Variants in ARHGEF11 observed in about 807,000 individuals in gnomAD.
The protein encoded by ARHGEF11 is Rho guanine nucleotide exchange factor 11.
A neutral mutation model predicts 193.7 loss-of-function variants in ARHGEF11; 55 were observed. The observed-to-expected ratio is 0.28, with a 90% CI of 0.23 to 0.36. The LOEUF (loss-of-function observed/expected upper bound fraction) is 0.36. ARHGEF11 is among the 10% of genes least tolerant of loss of function. The probability of loss-of-function intolerance (pLI) is 1.00; values close to 1 mark genes in which losing one functional copy is unlikely to be tolerated. For missense variants in ARHGEF11, 1,723 were observed against 2,005.6 expected (o/e 0.86, Z 2.69); for synonymous variants, 693 against 768.0 (o/e 0.90, Z 1.62).
intron 17 of ARHGEF11, 104 bp downstream of exon 17, chr1:156,958,638 C>T: frequency 6.6e-7 from 1 of 1,515,708 alleles, no homozygotes; most frequent in Admixed American, 1.8e-5. Flanking sequence ...GCAGGAGAAT[C>T]AGGCAAGAAG....
In ARHGEF11 at chr1:156,946,930, C is replaced by G. The variant is rs1557836122; in HGVS notation, c.2568+6G>C. The G allele has an allele frequency of 1.2e-6, 2 of 1,613,898 alleles. No individual in the cohort carries two copies. The highest frequency in any genetic ancestry group is 3.3e-5 in the Admixed American group (2 of 60,024). ...CTTGCCAAGAGGGAGAAGTTTGGAG[C>G]CATACCCGGGCCAGCATGAGGTCAC... On this transcript the variant is annotated splice_donor_region_variant and intron_variant, in intron 27 of 40. Coordinates refer to ENST00000368194, the MANE Select transcript of ARHGEF11 (RefSeq NM_198236.3).
At chr1:157,021,480 C>A (rs894406233) in intron 1 of ARHGEF11, among the ~76,000 whole-genome samples, 5 of 152,118 alleles carry the variant, frequency 3.3e-5, no homozygotes, top group African/African-American at 1.2e-4. Context: ...AATATTAAGT[C>A]CTGATTAGGT....
intron 1 of ARHGEF11, among the ~76,000 whole-genome samples, chr1:157,024,290 A>C (rs1670375773): frequency 6.6e-6 from 1 of 152,232 alleles, no homozygotes; most frequent in South Asian, 2.1e-4. Flanking sequence ...AGCGGGAATG[A>C]GAAGTGACTG....
rs748633125 is a variant in ARHGEF11, at chr1:156,938,484, C to T, written c.4126G>A (p.Ala1376Thr). The change falls in exon 38 of 41, where the codon GCA becomes ACA. Residue 1376 changes from alanine (A) to threonine (T), a missense_variant. By Grantham distance (58) the Ala-to-Thr change is moderately conservative. Around this residue, in one of 5 missense-constraint regions of ARHGEF11, gnomAD observed 360 missense variants for 344.4 expected, o/e 1.05. Transcript: ENST00000368194. The stretch of plus-strand genomic sequence containing the variant: ...TCTGACTGGCCACTCTCTGGTAGTG[C>T]AGGGACAACCTTGCTGCCTGCCACC... ...AEVAGSKVVP[A>T]LPESGQSEPG... The T allele has an allele frequency of 1.2e-6, 2 of 1,613,584 alleles. No homozygotes were observed. Among genetic ancestry groups the T allele is most frequent in the Non-Finnish European group, 8.5e-7 (1 of 1,179,736 alleles).
intron 1 of ARHGEF11, among the ~76,000 whole-genome samples, chr1:157,011,795 A>C (rs538771975): frequency 3.4e-4 from 51 of 152,204 alleles, no homozygotes; most frequent in Non-Finnish European, 6.0e-4. Flanking sequence ...TTTTACATCT[A>C]CTAGGATGAC....
intron 1 of ARHGEF11, among the ~76,000 whole-genome samples, chr1:157,016,429 A>G (rs1319077438): frequency 1.3e-5 from 2 of 152,184 alleles, no homozygotes; most frequent in Non-Finnish European, 2.9e-5. Context: ...CATGTTGGCT[A>G]GGCTGGTCTC....
At chr1:157,036,132 TATATATGAATATATGAATAC>T (rs1671994953) in intron 1 of ARHGEF11, among the ~76,000 whole-genome samples, 1 of 144,258 alleles carries the variant, frequency 6.9e-6, no homozygotes, top group Non-Finnish European at 1.5e-5. Flanking sequence ...TATGAAAATA[TATATATGAATATATGAATAC>T]ATATATGAAT....
intron 15 of ARHGEF11, among the ~76,000 whole-genome samples, chr1:156,960,201 C>A (rs1444941043): frequency 6.6e-6 from 1 of 152,150 alleles, no homozygotes; most frequent in Non-Finnish European, 1.5e-5. Context: ...AAGCTCCCCC[C>A]GGCAGAGTGA....
At chr1:156,936,427 T>C (rs1442157062) in intron 40 of ARHGEF11, among the ~76,000 whole-genome samples, 8 of 135,916 alleles carry the variant, frequency 5.9e-5, no homozygotes. Context: ...GGCCCAGGAG[T>C]TTGAGACCAG....
Position 156,947,932 on chromosome 1 carries a change from C to T in ARHGEF11, c.2178G>A (p.Gly726=), listed in dbSNP as rs769390540. The change falls in exon 25 of 41, where the codon GGG becomes GGA. Residue 726 remains glycine (G), a synonymous_variant. Transcript: ENST00000368194. Reference sequence around the variant, plus strand: ...GGGGAAGGAGGGTATCTGTGCAGAACCCCAAACTGGGGGACTCAATGCTCC... The same window carrying T: ...GGGGAAGGAGGGTATCTGTGCAGAATCCCAAACTGGGGGACTCAATGCTCC... ...GRRSIESPSL[G]FCTDTLLPHL... 6 of 1,613,804 alleles carry T rather than the reference C, an allele frequency of 3.7e-6. No homozygotes were observed. The East Asian group carries it at 8.9e-5, about 24-fold the overall frequency.
At chr1:157,016,339 C>T (rs1669227605) in intron 1 of ARHGEF11, among the ~76,000 whole-genome samples, 1 of 151,654 alleles carries the variant, frequency 6.6e-6, no homozygotes, top group South Asian at 2.1e-4. Flanking sequence ...CCTGCCTCAG[C>T]CTCCCGAGTA....
chr1:157,036,132 TATATATGA>T (rs1157924735), intron 1 of ARHGEF11, among the ~76,000 whole-genome samples: 2 of 144,258 alleles, frequency 1.4e-5, no homozygotes, highest in African/African-American at 2.5e-5. Flanking sequence ...TATGAAAATA[TATATATGA>T]ATATATGAAT....
At chr1:156,964,140 C>T (rs1264474761) in intron 11 of ARHGEF11, among the ~76,000 whole-genome samples, 2 of 152,328 alleles carry the variant, frequency 1.3e-5, no homozygotes, top group East Asian at 1.9e-4. Context: ...CTTTCTCTAA[C>T]ACCATTTGCA....
intron 29 of ARHGEF11, 199 bp from the exon 30 acceptor site, chr1:156,945,396 C>G (rs1190201031): frequency 3.4e-6 from 2 of 586,412 alleles, no homozygotes; most frequent in South Asian, 2.1e-5. Flanking sequence ...AGGTCTCAGA[C>G]AGATCACTGC....
Position 156,948,148 on chromosome 1 carries a change from C to T in ARHGEF11, c.2153+33G>A. 6.5e-7 allele frequency: 1 copy of T among 1,544,506 alleles called. No individual in the cohort carries two copies. Among genetic ancestry groups the T allele is most frequent in the Non-Finnish European group, 8.7e-7 (1 of 1,143,852 alleles). On this transcript the variant is annotated intron_variant, in intron 24 of 40. Coordinates refer to ENST00000368194, the MANE Select transcript of ARHGEF11 (RefSeq NM_198236.3). The surrounding 1 kb of genome is among the most constrained non-coding windows in gnomAD (Gnocchi z 4.2). ...TGGGTGTGGATGGGACACAGAGACA[C>T]CAAACAGAGGCACCACCGTGCCCAT...
chr1:156,968,216 A>G, intron 10 of ARHGEF11, 92 bp from the exon 11 acceptor site: 1 of 1,420,920 alleles, frequency 7.0e-7, no homozygotes, highest in South Asian at 1.4e-5. Context: ...AACCATACTT[A>G]TAACATCAGC....
upstream of ARHGEF11, among the ~76,000 whole-genome samples, chr1:157,046,840 C>T (rs1673357248): frequency 6.6e-6 from 1 of 151,668 alleles, no homozygotes; most frequent in Admixed American, 6.6e-5. Context: ...TGAAACCCCC[C>T]CCCTCTACTA....
chr1:156,946,634 G>A, intron 28 of ARHGEF11, 28 bp downstream of exon 28: 3 of 1,612,884 alleles, frequency 1.9e-6, no homozygotes, highest in Non-Finnish European at 2.5e-6. Context: ...GGAGATGAAG[G>A]AAGGCCAAGG....
chr1:156,963,216 T>A lies in ARHGEF11; in HGVS notation c.1127A>T (p.Asp376Val). The A allele has an allele frequency of 6.2e-7, 1 of 1,613,532 alleles. No individual in the cohort carries two copies. Among genetic ancestry groups the A allele is most frequent in the Non-Finnish European group, 8.5e-7 (1 of 1,179,598 alleles). Residue 376 changes from aspartate to valine, a missense_variant, in exon 13 of 41, where the codon GAC (aspartate) becomes GTC (valine). Transcript: ENST00000368194. Reference sequence around the variant, plus strand: ...ATTCTGACTTACCAGTGGACTGGGGTCCGCCTGAGAGAAGATGTAACGTAG... The same window carrying A: ...ATTCTGACTTACCAGTGGACTGGGGACCGCCTGAGAGAAGATGTAACGTAG... ...VFLRYIFSQA[D>V]PSPLLFYLCA...
Sources: gnomAD v4.1 joint callset for allele counts (sites outside exome capture counted in the v4.1 genomes callset) on GRCh38, gnomAD v4.1.1 for gene constraint, gnomAD v4.1.1 regional missense constraint, Gnocchi (gnomAD v3.1) non-coding constraint, MANE v1.5 for transcripts, NCBI Gene and HGNC (gene_info 2026-07-23, HGNC 2026-07-21) for gene names.